COMMD10: variants seen among roughly 807,000 people sequenced by gnomAD.
The protein encoded by COMMD10 is COMM domain-containing protein 10.
In COMMD10, 33 loss-of-function variants were observed where a neutral mutation model predicts 28.9. The ratio of observed to expected loss-of-function variants is 1.14; its 90% CI spans 0.87 to 1.53. The LOEUF is 1.53. COMMD10 is among the 40% of genes most tolerant of loss of function. The pLI, the probability that COMMD10 is intolerant of heterozygous loss-of-function variation, is 0.00. For synonymous variants in COMMD10, 110 were observed against 81.7 expected (o/e 1.35, Z -1.87); for missense variants, 310 against 233.4 (o/e 1.33, Z -2.14).
intron 5 of COMMD10, among the ~76,000 whole-genome samples, chr5:116,202,713 G>T (rs1203119016): frequency 6.6e-6 from 1 of 151,536 alleles, no homozygotes; most frequent in African/African-American, 2.4e-5. Flanking sequence ...CATATCCTTT[G>T]CCCACTTTTT....
chr5:116,181,624 A>G (rs542309481), intron 5 of COMMD10, among the ~76,000 whole-genome samples: 2 of 152,030 alleles, frequency 1.3e-5, no homozygotes, highest in East Asian at 1.9e-4. Context: ...TTAGAGAACT[A>G]TTATTTTGAA....
chr5:116,193,314 A>AT (rs1026215836), intron 5 of COMMD10, among the ~76,000 whole-genome samples: 2 of 152,232 alleles, frequency 1.3e-5, no homozygotes, highest in Non-Finnish European at 2.9e-5. Context: ...GGTACCTCAC[A>AT]TATCAATACT....
intron 5 of COMMD10, among the ~76,000 whole-genome samples, chr5:116,169,795 A>T (rs1240288685): frequency 6.6e-6 from 1 of 152,234 alleles, no homozygotes; most frequent in Non-Finnish European, 1.5e-5. Context: ...GCACCTCTTC[A>T]TGCTAAAAAC....
At chr5:116,104,724 A>G (rs924154877) in intron 4 of COMMD10, among the ~76,000 whole-genome samples, 3 of 151,034 alleles carry the variant, frequency 2.0e-5, no homozygotes, top group African/African-American at 7.3e-5. Flanking sequence ...AGTTCATGCC[A>G]TTCTCCTGCC....
At chr5:116,134,521 G>A (rs1439648627) in intron 5 of COMMD10, among the ~76,000 whole-genome samples, 1 of 152,184 alleles carries the variant, frequency 6.6e-6, no homozygotes, top group African/African-American at 2.4e-5. Flanking sequence ...TGTCCAGCTA[G>A]AGCCTGGAAC....
Position 116,215,113 on chromosome 5 carries a change from A to G in COMMD10, c.511-76404A>G, listed in dbSNP as rs545675441. Among the ~76,000 whole-genome samples the G allele has an allele frequency of 1.7e-3, 263 of 152,126 alleles. 3 individuals are homozygous for G. The highest frequency in any genetic ancestry group is 5.9e-3 in the African/African-American group (247 of 41,548). ...TTTAGTTTCTTTTGAGAGAAAATAT[A>G]TTTTATTGATATATAATAATTATAC... On this transcript the variant is annotated intron_variant, in intron 5 of 6. Coordinates refer to ENST00000274458, the MANE Select transcript of COMMD10 (RefSeq NM_016144.4).
At chr5:116,203,958 G>A (rs2112626229) in intron 5 of COMMD10, among the ~76,000 whole-genome samples, 1 of 152,262 alleles carries the variant, frequency 6.6e-6, no homozygotes, top group Admixed American at 6.5e-5. Context: ...ATTGGATAAA[G>A]AGTCAAGACC....
chr5:116,128,187 G>C (rs574620404), intron 4 of COMMD10, among the ~76,000 whole-genome samples: 16 of 152,104 alleles, frequency 1.1e-4, no homozygotes, highest in African/African-American at 3.6e-4. Context: ...GATGTGCTTA[G>C]AATTTTGGTT....
chr5:116,274,917 A>T (rs923633962), intron 5 of COMMD10, among the ~76,000 whole-genome samples: 5 of 151,774 alleles, frequency 3.3e-5, no homozygotes, highest in African/African-American at 1.2e-4. Flanking sequence ...ATTAATCTGT[A>T]GCCCAGATTC....
chr5:116,130,944 G>C (rs184600487), intron 4 of COMMD10, among the ~76,000 whole-genome samples: 165 of 152,016 alleles, frequency 1.1e-3, no homozygotes, highest in Admixed American at 2.5e-3. Flanking sequence ...AGTTTCTTGT[G>C]TGATGATATA....
chr5:116,106,872 T>C (rs1328272632), intron 4 of COMMD10, among the ~76,000 whole-genome samples: 1 of 152,206 alleles, frequency 6.6e-6, no homozygotes, highest in African/African-American at 2.4e-5. Flanking sequence ...TATGTGTGTC[T>C]TTGCATGTGA....
intron 5 of COMMD10, among the ~76,000 whole-genome samples, chr5:116,151,175 A>G (rs1436989264): frequency 6.6e-6 from 1 of 151,788 alleles, no homozygotes; most frequent in Non-Finnish European, 1.5e-5. Flanking sequence ...TGATTTGCGT[A>G]TATTGAACCA....
intron 5 of COMMD10, among the ~76,000 whole-genome samples, chr5:116,167,917 G>C (rs1057234999): frequency 2.0e-5 from 3 of 152,086 alleles, no homozygotes; most frequent in Non-Finnish European, 2.9e-5. Flanking sequence ...TGAAGAAACT[G>C]CATCAACTAA....
Position 116,276,535 on chromosome 5 carries a change from C to T in COMMD10, c.511-14982C>T, listed in dbSNP as rs532896424. On this transcript the variant is annotated intron_variant, in intron 5 of 6. Coordinates refer to ENST00000274458, the MANE Select transcript of COMMD10 (RefSeq NM_016144.4). Reference sequence around the variant, plus strand: ...ACAGGCATGAGCCACCATGCCCAGCCGTATCTTCTTAATTGTCAAAGGAAA... The same window carrying T: ...ACAGGCATGAGCCACCATGCCCAGCTGTATCTTCTTAATTGTCAAAGGAAA... Among the ~76,000 whole-genome samples the T allele has an allele frequency of 7.2e-5, 11 of 151,790 alleles. 1 individual carries two copies. Among genetic ancestry groups the T allele is most frequent in the South Asian group, 4.1e-4 (2 of 4,822 alleles).
intron 6 of COMMD10, 88 bp from the exon 7 acceptor site, chr5:116,292,363 C>G: frequency 2.6e-6 from 2 of 762,102 alleles, no homozygotes; most frequent in Non-Finnish European, 3.9e-6. Flanking sequence ...CTATTTTTTC[C>G]TTTCTATTTG....
At chr5:116,191,397 A>C (rs1340613591) in intron 5 of COMMD10, among the ~76,000 whole-genome samples, 1 of 151,322 alleles carries the variant, frequency 6.6e-6, no homozygotes, top group Non-Finnish European at 1.5e-5. Context: ...AGCCTGGGGC[A>C]AGTTTTCAAG....
At chr5:116,228,996 T>C (rs1318766379) in intron 5 of COMMD10, among the ~76,000 whole-genome samples, 1 of 151,974 alleles carries the variant, frequency 6.6e-6, no homozygotes, top group Non-Finnish European at 1.5e-5. Flanking sequence ...TAGTGTAAAA[T>C]AAATATTTGC....
chr5:116,274,981 G>A (rs1362862623), intron 5 of COMMD10, among the ~76,000 whole-genome samples: 2 of 151,580 alleles, frequency 1.3e-5, no homozygotes, highest in Non-Finnish European at 2.9e-5. Flanking sequence ...TTTTCTACAT[G>A]CTTATCCAAA....
At chr5:116,197,203 C>G (rs1748546764) in intron 5 of COMMD10, among the ~76,000 whole-genome samples, 1 of 152,108 alleles carries the variant, frequency 6.6e-6, no homozygotes, top group African/African-American at 2.4e-5. Context: ...CTGTAAAGTT[C>G]ATTTCATTCA....
Sources: allele counts gnomAD v4.1 joint callset (sites outside exome capture counted in the v4.1 genomes callset), GRCh38; gene constraint gnomAD v4.1.1; transcripts MANE v1.5; gene names NCBI Gene and HGNC (gene_info 2026-07-23, HGNC 2026-07-21).